The following ELOVL6 variants were observed in gnomAD, a reference collection of about 807,000 sequenced individuals.
ELOVL6 encodes very long chain fatty acid elongase 6.
A neutral mutation model predicts 31.7 loss-of-function variants in ELOVL6; 8 were observed. The ratio of observed to expected loss-of-function variants is 0.25; its 90% CI spans 0.15 to 0.45. ELOVL6 has a LOEUF of 0.45. Among genes scored for constraint, ELOVL6 ranks in the 20% least tolerant of loss-of-function variants. ELOVL6 has a pLI of 1.00. For synonymous variants in ELOVL6, 101 were observed against 117.7 expected (o/e 0.86, Z 0.92); for missense variants, 126 against 326.4 (o/e 0.39, Z 4.73).
intron 1 of ELOVL6, among the ~76,000 whole-genome samples, chr4:110,194,180 C>T (rs1308043397): frequency 1.3e-5 from 2 of 151,952 alleles, no homozygotes; most frequent in Admixed American, 6.5e-5. Flanking sequence ...CAACTTAAGT[C>T]AGCTCTTAGT....
At chr4:110,093,989 G>A (rs1211743345) in intron 2 of ELOVL6, among the ~76,000 whole-genome samples, 12 of 152,026 alleles carry the variant, frequency 7.9e-5, no homozygotes, top group African/African-American at 1.7e-4. Flanking sequence ...GGTGGCTCAC[G>A]TCTGTAATCC....
At chr4:110,148,122 A>G (rs1052788564) in intron 1 of ELOVL6, among the ~76,000 whole-genome samples, 6 of 151,964 alleles carry the variant, frequency 3.9e-5, no homozygotes, top group African/African-American at 1.4e-4. Flanking sequence ...AAAAAAAAAA[A>G]AAAAAAAGCC....
chr4:110,197,927 T>G, intron 1 of ELOVL6: 1 of 404,796 alleles, frequency 2.5e-6, no homozygotes, highest in Non-Finnish European at 4.5e-6. Context: ...AGGTAGGCGA[T>G]CTGGACTGTG....
chr4:110,101,367 T>G (rs193189589), intron 2 of ELOVL6, among the ~76,000 whole-genome samples: 1 of 151,760 alleles, frequency 6.6e-6, no homozygotes, highest in Non-Finnish European at 1.5e-5. Flanking sequence ...ATGAATGTTT[T>G]ATATCAACTT....
chr4:110,142,358 T>G (rs1757990302), intron 1 of ELOVL6, among the ~76,000 whole-genome samples: 1 of 152,130 alleles, frequency 6.6e-6, no homozygotes, highest in South Asian at 2.1e-4. Flanking sequence ...CCTTACTAAT[T>G]TTTAGTAACG....
At chr4:110,099,100 A>G (rs1037595613) in intron 2 of ELOVL6, among the ~76,000 whole-genome samples, 13 of 152,148 alleles carry the variant, frequency 8.5e-5, no homozygotes, top group African/African-American at 3.1e-4. Flanking sequence ...TTTCACTTGA[A>G]CAGCTTCAGT....
intron 2 of ELOVL6, among the ~76,000 whole-genome samples, chr4:110,085,905 TG>T (rs1756250893): frequency 6.6e-6 from 1 of 152,170 alleles, no homozygotes; most frequent in African/African-American, 2.4e-5. Context: ...TTTGTAGAGA[TG>T]GGGTTTCGCC....
intron 1 of ELOVL6, among the ~76,000 whole-genome samples, chr4:110,189,561 T>C (rs1328644844): frequency 8.9e-6 from 1 of 112,592 alleles, no homozygotes; most frequent in Non-Finnish European, 1.6e-5. Flanking sequence ...GCCACTGCAC[T>C]CAGACTGGGA....
chr4:110,093,690 A>AG (rs1200838159), intron 2 of ELOVL6, among the ~76,000 whole-genome samples: 3 of 152,168 alleles, frequency 2.0e-5, no homozygotes, highest in African/African-American at 4.8e-5. Flanking sequence ...GCACCTACTT[A>AG]GGCACTAGAA....
At chr4:110,084,819 T>C (rs1167267196) in intron 2 of ELOVL6, among the ~76,000 whole-genome samples, 2 of 151,416 alleles carry the variant, frequency 1.3e-5, no homozygotes, top group Admixed American at 1.3e-4. Flanking sequence ...GGTCTCGAAC[T>C]CTTGACCTCA....
At chr4:110,101,507 A>T (rs1277876257) in intron 2 of ELOVL6, among the ~76,000 whole-genome samples, 2 of 152,200 alleles carry the variant, frequency 1.3e-5, no homozygotes, top group Non-Finnish European at 2.9e-5. Flanking sequence ...GCAGAAAAAC[A>T]CAAACAATAA....
intron 1 of ELOVL6, among the ~76,000 whole-genome samples, chr4:110,181,630 AAGG>A (rs1467445443): frequency 6.6e-6 from 1 of 152,172 alleles, no homozygotes; most frequent in Non-Finnish European, 1.5e-5. Context: ...GATGTAAAAC[AAGG>A]AGGAGAGGAG....
rs756972601 is a variant in ELOVL6, at chr4:110,189,129, A to C, written c.89+9118T>G. Among the ~76,000 whole-genome samples, 89 of 151,498 alleles carry C rather than the reference A, an allele frequency of 5.9e-4. 2 individuals are homozygous for C. The highest frequency in any genetic ancestry group is 3.6e-3 in the Admixed American group (55 of 15,182). The stretch of plus-strand genomic sequence containing the variant: ...CCCCATCTCTCCAATACAATAAAAA[A>C]ATTAGTTGGGCAAGGTGGTGCGTGC... On this transcript the variant is annotated intron_variant, in intron 1 of 3. Coordinates refer to ENST00000302274, the MANE Select transcript of ELOVL6 (RefSeq NM_024090.3).
chr4:110,096,085 G>A (rs1048208410), intron 2 of ELOVL6, among the ~76,000 whole-genome samples: 1 of 152,156 alleles, frequency 6.6e-6, no homozygotes, highest in Non-Finnish European at 1.5e-5. Context: ...GCAGTTAATT[G>A]TCAAATAATC....
chr4:110,084,056 TG>T (rs1756019776), intron 2 of ELOVL6, among the ~76,000 whole-genome samples: 3 of 107,166 alleles, frequency 2.8e-5, no homozygotes, highest in African/African-American at 9.3e-5. Context: ...ATGCTATATA[TG>T]ATATATAACA....
chr4:110,195,479 G>A (rs1759745774), intron 1 of ELOVL6, among the ~76,000 whole-genome samples: 1 of 152,038 alleles, frequency 6.6e-6, no homozygotes, highest in African/African-American at 2.4e-5. Flanking sequence ...TTTTGGGGAG[G>A]GAGGAGAGAT....
chr4:110,196,301 C>A (rs534318524), intron 1 of ELOVL6, among the ~76,000 whole-genome samples: 182 of 152,326 alleles, frequency 1.2e-3, no homozygotes, highest in African/African-American at 4.2e-3. Flanking sequence ...ACCACACAGG[C>A]TAATGCGGGA....
In ELOVL6 at chr4:110,105,734, A is replaced by C. The variant is rs1756868525; in HGVS notation, c.90-106T>G. ...AAGCACTGAAAAAATATTCTTGAGA[A>C]TATTCCTGCTTCACTGAAGAGGGAG... On this transcript the variant is annotated intron_variant, in intron 1 of 3. Transcript: ENST00000302274. 3.9e-6 allele frequency: 4 copies of C among 1,037,532 alleles called. No homozygotes were observed. The East Asian group carries it at 1.1e-4, about 28-fold the overall frequency. The allele number at this position is 1,037,532 out of a possible 1,614,324, so 64.3% of individuals were successfully genotyped here.
intron 2 of ELOVL6, among the ~76,000 whole-genome samples, chr4:110,077,761 T>C (rs1305682941): frequency 2.0e-5 from 3 of 147,974 alleles, no homozygotes; most frequent in Non-Finnish European, 4.5e-5. Flanking sequence ...CGAGTTGAGA[T>C]AAGAAGGCTT....
Sources: allele counts gnomAD v4.1 joint callset (sites outside exome capture counted in the v4.1 genomes callset), GRCh38; gene constraint gnomAD v4.1.1; transcripts MANE v1.5; gene names NCBI Gene and HGNC (gene_info 2026-07-23, HGNC 2026-07-21).